Variants in MACROD2 observed in about 807,000 individuals in gnomAD.
MACROD2 encodes the protein mono-ADP ribosylhydrolase 2, also known as ADP-ribose glycohydrolase MACROD2.
In MACROD2, 36 loss-of-function variants were observed where a neutral mutation model predicts 70.4. The ratio of observed to expected loss-of-function variants is 0.51; its 90% CI spans 0.39 to 0.68. The LOEUF (loss-of-function observed/expected upper bound fraction) is 0.68. Ranked by LOEUF, MACROD2 falls within the 30% of genes least tolerant of loss-of-function variation. The pLI is 0.00. For missense variants in MACROD2, 496 were observed against 538.4 expected (o/e 0.92, Z 0.78); for synonymous variants, 172 against 178.8 (o/e 0.96, Z 0.30).
intron 8 of MACROD2, among the ~76,000 whole-genome samples, chr20:15,774,306 CT>C: frequency 6.6e-6 from 1 of 152,246 alleles, no homozygotes; most frequent in South Asian, 2.1e-4. Flanking sequence ...ATGTTAATTG[CT>C]GTTTCAAAAT....
At chr20:15,865,793 C>T (rs2064484325) in intron 9 of MACROD2, among the ~76,000 whole-genome samples, 1 of 152,164 alleles carries the variant, frequency 6.6e-6, no homozygotes, top group Non-Finnish European at 1.5e-5. Context: ...GCAGGGAGCC[C>T]AGCCAGCAAG....
At chr20:15,120,936 C>T (rs1224977204) in intron 5 of MACROD2, among the ~76,000 whole-genome samples, 1 of 152,160 alleles carries the variant, frequency 6.6e-6, no homozygotes, top group Non-Finnish European at 1.5e-5. Flanking sequence ...CAACCATTAA[C>T]ACCATACCTG....
In MACROD2 at chr20:15,663,602, G is replaced by GA. The variant is rs563883609; in HGVS notation, c.645+163762dup. On this transcript the variant is annotated intron_variant, in intron 8 of 17. Transcript: ENST00000684519. ...AAAACTTAAAACAATTAAAAACTTG[G>GA]AAAAAAACCACAACAGACAGAAAAA... Among the ~76,000 whole-genome samples the GA allele has an allele frequency of 3.7e-4, 56 of 149,928 alleles. 1 individual carries two copies. Among genetic ancestry groups the GA allele is most frequent in the African/African-American group, 1.2e-3 (51 of 40,940 alleles).
rs145487099 is a variant in MACROD2, at chr20:15,393,684, C to T, written c.541-37721C>T. On this transcript the variant is annotated intron_variant, in intron 6 of 17. Transcript: ENST00000684519. ...AAATAAGCTTTCACTCCAAATCCTT[C>T]AGTGTTTTTCTATTAGATACATAAT... 2.6e-5 allele frequency among the ~76,000 whole-genome samples: 4 copies of T among 152,308 alleles called. No homozygotes were observed. In the East Asian group the frequency reaches 7.7e-4, roughly 29 times the overall value.
intron 3 of MACROD2, among the ~76,000 whole-genome samples, chr20:14,177,402 C>G (rs1356328994): frequency 6.6e-6 from 1 of 151,342 alleles, no homozygotes; most frequent in East Asian, 2.0e-4. Flanking sequence ...CTGCTACCTC[C>G]ACCTCCTGGG....
chr20:14,755,195 C>A (rs897965819), intron 5 of MACROD2, among the ~76,000 whole-genome samples: 7 of 151,976 alleles, frequency 4.6e-5, no homozygotes, highest in Admixed American at 1.3e-4. Context: ...TGGGAGAGTC[C>A]ACTCTTTCCT....
chr20:15,391,586 G>A (rs2045792804), intron 6 of MACROD2, among the ~76,000 whole-genome samples: 1 of 152,154 alleles, frequency 6.6e-6, no homozygotes, highest in Admixed American at 6.5e-5. Flanking sequence ...CCATGGGGTT[G>A]GATGGCAGTT....
In MACROD2 at chr20:14,326,486, G is replaced by A; in HGVS notation, c.272-166993G>A. The A allele has an allele frequency of 1.2e-6, 2 of 1,613,838 alleles. No homozygotes were observed. The highest frequency in any genetic ancestry group is 8.5e-7 in the Non-Finnish European group (1 of 1,179,860). ...TTGAGATCCTTAATAGCCATCCCAC[G>A]AACCTTTTCTGGGGCTTGGCACATG... On this transcript the variant is annotated intron_variant, in intron 3 of 17. Transcript: ENST00000684519. This position sits in a 1 kb window ranked among gnomAD's most constrained non-coding sequence, Gnocchi z 5.5.
intron 6 of MACROD2, among the ~76,000 whole-genome samples, chr20:15,427,911 G>C (rs1418931706): frequency 6.6e-6 from 1 of 152,158 alleles, no homozygotes; most frequent in Admixed American, 6.5e-5. Flanking sequence ...TTTCTGATTA[G>C]CACAACTGGA....
chr20:15,718,801 T>C (rs935415046), intron 8 of MACROD2, among the ~76,000 whole-genome samples: 9 of 152,228 alleles, frequency 5.9e-5, no homozygotes, highest in Non-Finnish European at 1.2e-4. Context: ...TGAGAGAATA[T>C]ATGAGAAGAA....
chr20:15,038,231 A>G (rs1222847007), intron 5 of MACROD2, among the ~76,000 whole-genome samples: 1 of 152,240 alleles, frequency 6.6e-6, no homozygotes, highest in Non-Finnish European at 1.5e-5. Context: ...TAGAAATTAT[A>G]AGATTTCAAA....
At chr20:14,131,305 AT>A (rs150015653) in intron 3 of MACROD2, among the ~76,000 whole-genome samples, 3,070 of 151,914 alleles carry the variant, frequency 0.02, 52 homozygotes, top group Non-Finnish European at 0.026. Flanking sequence ...TACAAATGAA[AT>A]TTTTTTTTAT....
At chr20:15,277,265 T>G (rs1600185652) in intron 6 of MACROD2, among the ~76,000 whole-genome samples, 1 of 152,116 alleles carries the variant, frequency 6.6e-6, no homozygotes, top group South Asian at 2.1e-4. Context: ...AGAAATCCTT[T>G]CCCCAAGGTC....
intron 3 of MACROD2, among the ~76,000 whole-genome samples, chr20:14,272,423 A>C (rs1448177137): frequency 5.3e-5 from 8 of 151,782 alleles, no homozygotes; most frequent in Non-Finnish European, 4.4e-5. Context: ...GAAATAAAAT[A>C]CTTTACAGAC....
chr20:14,824,597 A>G (rs1482368840), intron 5 of MACROD2, among the ~76,000 whole-genome samples: 1 of 152,076 alleles, frequency 6.6e-6, no homozygotes, highest in East Asian at 1.9e-4. Context: ...ACCTCTCCAC[A>G]TGACTAGGCT....
intron 5 of MACROD2, among the ~76,000 whole-genome samples, chr20:15,027,603 A>G (rs2075242571): frequency 6.6e-6 from 1 of 151,844 alleles, no homozygotes; most frequent in Admixed American, 6.6e-5. Flanking sequence ...GCCTTGGCAC[A>G]GTGGCTCATG....
At chr20:14,404,417 A>G (rs2083671234) in intron 3 of MACROD2, among the ~76,000 whole-genome samples, 1 of 152,116 alleles carries the variant, frequency 6.6e-6, no homozygotes, top group Non-Finnish European at 1.5e-5. Flanking sequence ...ACTTGAGTCC[A>G]GAAGTTCGGG....
intron 3 of MACROD2, among the ~76,000 whole-genome samples, chr20:14,214,392 G>T (rs187231313): frequency 1.3e-5 from 2 of 152,208 alleles, no homozygotes; most frequent in Admixed American, 1.3e-4. Flanking sequence ...AAATTATTTA[G>T]AGCTTTCAAA....
chr20:15,524,299 T>A (rs903183940), intron 8 of MACROD2, among the ~76,000 whole-genome samples: 2 of 151,910 alleles, frequency 1.3e-5, no homozygotes, highest in Non-Finnish European at 2.9e-5. Context: ...GCAGGCCACG[T>A]GAATGAGTGA....
Sources: allele counts gnomAD v4.1 joint callset (sites outside exome capture counted in the v4.1 genomes callset), GRCh38; gene constraint gnomAD v4.1.1; non-coding constraint Gnocchi (gnomAD v3.1); transcripts MANE v1.5; gene names NCBI Gene and HGNC (gene_info 2026-07-23, HGNC 2026-07-21).